Variants in AIG1 observed in about 807,000 individuals in gnomAD.
AIG1 encodes the protein androgen induced 1, also known as androgen-induced gene 1 protein.
In AIG1, 23 loss-of-function variants were observed where a neutral mutation model predicts 31.4. The observed-to-expected ratio is 0.73, with a 90% CI of 0.53 to 1.04. The LOEUF (loss-of-function observed/expected upper bound fraction) is 1.04, where lower values mean the gene tolerates loss of function less well. AIG1 is among the 50% of genes least tolerant of loss of function. The probability of loss-of-function intolerance (pLI) is 0.00; values close to 1 mark genes in which losing one functional copy is unlikely to be tolerated. For synonymous variants in AIG1, 100 were observed against 110.5 expected (o/e 0.90, Z 0.60); for missense variants, 274 against 295.0 (o/e 0.93, Z 0.52).
At chr6:143,078,134 A>G (rs1777899383) in intron 1 of AIG1, among the ~76,000 whole-genome samples, 1 of 152,186 alleles carries the variant, frequency 6.6e-6, no homozygotes, top group African/African-American at 2.4e-5. Flanking sequence ...TTCCACTGTC[A>G]TCTACATATT....
chr6:143,065,064 C>G (rs933816525), intron 1 of AIG1, among the ~76,000 whole-genome samples: 1 of 152,166 alleles, frequency 6.6e-6, no homozygotes, highest in African/African-American at 2.4e-5. Context: ...AGAAGAATGT[C>G]ACAAGGTCGG....
rs368657845 is a variant in AIG1 at position 143,157,313 on chromosome 6, G to A, written c.298-7769G>A. On this transcript the variant is annotated intron_variant, in intron 2 of 5. Coordinates refer to ENST00000357847, the MANE Select transcript of AIG1 (RefSeq NM_016108.4). ...TTAATTTCCTCCACCACATTGTGTG[G>A]CCTCAGGCCTTGCCTTCCTTCTCCT... Among the ~76,000 whole-genome samples the A allele has an allele frequency of 1.4e-4, 22 of 152,246 alleles. No individual in the cohort carries two copies. In the South Asian group the frequency reaches 4.4e-3, roughly 30 times the overall value.
At chr6:143,278,655 G>A (rs1797127173) in intron 3 of AIG1, among the ~76,000 whole-genome samples, 1 of 151,760 alleles carries the variant, frequency 6.6e-6, no homozygotes, top group Non-Finnish European at 1.5e-5. Context: ...TTTCAGTAGA[G>A]ACGGGGTTTC....
At chr6:143,113,046 G>C (rs1353424747) in intron 1 of AIG1, among the ~76,000 whole-genome samples, 1 of 152,000 alleles carries the variant, frequency 6.6e-6, no homozygotes, top group Non-Finnish European at 1.5e-5. Context: ...TTGCTGACTG[G>C]GCATGGTGGC....
chr6:143,340,544 T>A lies in AIG1; in HGVS notation c.*868T>A, dbSNP rs1238143735. Among the ~76,000 whole-genome samples the A allele has an allele frequency of 1.3e-5, 2 of 152,058 alleles. No homozygotes were observed. Among genetic ancestry groups the A allele is most frequent in the African/African-American group, 4.8e-5 (2 of 41,390 alleles). On this transcript the variant is annotated 3_prime_UTR_variant, in exon 6 of 6. Transcript: ENST00000357847. ...GGCGTGATCTCAGCTCACGGCAAGC[T>A]CCGCTTCCCGGGTTCATGCCATTCT... is the stretch of plus-strand genomic sequence containing the variant.
At chr6:143,205,077 C>T (rs569354105) in intron 3 of AIG1, among the ~76,000 whole-genome samples, 18 of 152,160 alleles carry the variant, frequency 1.2e-4, no homozygotes, top group Non-Finnish European at 2.4e-4. Flanking sequence ...GTTCAATGCT[C>T]TTTGTGTACC....
intron 3 of AIG1, among the ~76,000 whole-genome samples, chr6:143,233,086 T>C (rs897198111): frequency 6.6e-6 from 1 of 152,000 alleles, no homozygotes; most frequent in Non-Finnish European, 1.5e-5. Context: ...GGAGTTGATA[T>C]CCATGAGTCT....
chr6:143,156,658 A>C (rs943792310), intron 2 of AIG1, among the ~76,000 whole-genome samples: 4 of 152,196 alleles, frequency 2.6e-5, no homozygotes, highest in Non-Finnish European at 5.9e-5. Flanking sequence ...ATGCAGAAGG[A>C]GGCAGCCCTT....
chr6:143,141,106 A>G (rs549456873), intron 2 of AIG1, among the ~76,000 whole-genome samples: 1 of 152,346 alleles, frequency 6.6e-6, no homozygotes, highest in Non-Finnish European at 1.5e-5. Context: ...GGCATCGGGC[A>G]TAAAAAGAAA....
At chr6:143,207,494 T>C (rs1791211824) in intron 3 of AIG1, among the ~76,000 whole-genome samples, 2 of 148,460 alleles carry the variant, frequency 1.3e-5, no homozygotes, top group South Asian at 2.2e-4. Flanking sequence ...AAACTTTCAA[T>C]TTAGATTTCC....
At chr6:143,120,546 A>G (rs1782154797) in intron 1 of AIG1, among the ~76,000 whole-genome samples, 1 of 152,090 alleles carries the variant, frequency 6.6e-6, no homozygotes. Flanking sequence ...TTATAAAACC[A>G]TCCGATCTCA....
intron 1 of AIG1, among the ~76,000 whole-genome samples, chr6:143,112,796 G>C (rs1384913737): frequency 1.3e-5 from 2 of 152,150 alleles, no homozygotes; most frequent in Non-Finnish European, 2.9e-5. Flanking sequence ...TCCAGAGACT[G>C]TGCATTTTTG....
chr6:143,116,017 T>C (rs1007599107), intron 1 of AIG1, among the ~76,000 whole-genome samples: 2 of 152,234 alleles, frequency 1.3e-5, no homozygotes, highest in East Asian at 3.9e-4. Context: ...GAGTTGGTGA[T>C]ACAGGAATGA....
At chr6:143,276,674 T>C (rs937956506) in intron 3 of AIG1, among the ~76,000 whole-genome samples, 1 of 151,760 alleles carries the variant, frequency 6.6e-6, no homozygotes, top group African/African-American at 2.4e-5. Context: ...CTATAGTGGC[T>C]GAGACTGGCA....
At chr6:143,139,254 T>C (rs914269041) in intron 2 of AIG1, among the ~76,000 whole-genome samples, 3 of 152,318 alleles carry the variant, frequency 2.0e-5, no homozygotes, top group South Asian at 4.1e-4. Flanking sequence ...GTTTTGCCTA[T>C]GTTTTAGAAA....
intron 3 of AIG1, among the ~76,000 whole-genome samples, chr6:143,235,574 T>C (rs887099216): frequency 1.3e-5 from 2 of 152,200 alleles, no homozygotes; most frequent in Non-Finnish European, 2.9e-5. Flanking sequence ...TGGCATGCCA[T>C]GTTCCCAGGC....
intron 3 of AIG1, among the ~76,000 whole-genome samples, chr6:143,273,228 G>A (rs1050567640): frequency 6.6e-6 from 1 of 152,178 alleles, no homozygotes. Flanking sequence ...TGATATCTAC[G>A]AATAAGTGGA....
intron 1 of AIG1, among the ~76,000 whole-genome samples, chr6:143,109,814 C>T (rs1367676758): frequency 2.0e-5 from 3 of 152,066 alleles, no homozygotes; most frequent in Non-Finnish European, 2.9e-5. Flanking sequence ...AATATATTTT[C>T]TTTCTTTATG....
Position 143,326,631 on chromosome 6 carries a change from A to G in AIG1, c.516-6651A>G, listed in dbSNP as rs531295985. 2.6e-5 allele frequency among the ~76,000 whole-genome samples: 4 copies of G among 152,354 alleles called. No homozygotes were observed. Among genetic ancestry groups the G allele is most frequent in the Non-Finnish European group, 5.9e-5 (4 of 68,032 alleles). The stretch of plus-strand genomic sequence containing the variant: ...AAAAATGAATGAGAGCCCTAGTTCT[A>G]TAAGAACTTATAAAAATCTGTCCTA... On this transcript the variant is annotated intron_variant, in intron 4 of 5. Transcript: ENST00000357847. This position sits in a 1 kb window ranked among gnomAD's most constrained non-coding sequence, Gnocchi z 4.5.
Sources: allele counts gnomAD v4.1 joint callset (sites outside exome capture counted in the v4.1 genomes callset), GRCh38; gene constraint gnomAD v4.1.1; non-coding constraint Gnocchi (gnomAD v3.1); transcripts MANE v1.5; gene names NCBI Gene and HGNC (gene_info 2026-07-23, HGNC 2026-07-21).